Variants in SKI observed in about 807,000 individuals in gnomAD.
SKI encodes the protein ski oncogene.
In SKI, 23 loss-of-function variants were observed where a neutral mutation model predicts 59.3. The observed-to-expected ratio is 0.39, with a 90% confidence interval of 0.28 to 0.55. SKI has a LOEUF of 0.55. SKI is among the 20% of genes least tolerant of loss of function. SKI has a pLI of 0.67. For synonymous variants in SKI, 673 were observed against 488.6 expected (o/e 1.38, Z -4.98); for missense variants, 1,017 against 1,038.9 (o/e 0.98, Z 0.29).
intron 5 of SKI, among the ~76,000 whole-genome samples, 155 bp downstream of exon 5, chr1:2,304,740 G>T (rs946051359): frequency 4.6e-5 from 7 of 152,206 alleles, no homozygotes; most frequent in African/African-American, 1.7e-4. Flanking sequence ...GGACCTTGGG[G>T]GTCCGTCTCC....
At chr1:2,256,169 T>A (rs1396476023) in intron 1 of SKI, among the ~76,000 whole-genome samples, 3 of 151,820 alleles carry the variant, frequency 2.0e-5, no homozygotes, top group Admixed American at 2.0e-4. Context: ...CCTCATTTCT[T>A]ATCTGTGCCA....
intron 1 of SKI, among the ~76,000 whole-genome samples, chr1:2,272,600 C>G (rs1316196774): frequency 2.0e-5 from 3 of 152,224 alleles, no homozygotes; most frequent in Middle Eastern, 3.2e-3. Context: ...GGAGGGTGAA[C>G]TGGTTCCTAT....
intron 1 of SKI, among the ~76,000 whole-genome samples, chr1:2,290,646 G>C (rs1640140644): frequency 6.6e-6 from 1 of 152,086 alleles, no homozygotes; most frequent in Non-Finnish European, 1.5e-5. Context: ...TGCCTTCTGT[G>C]GTTTGAGGTC....
chr1:2,257,585 C>G (rs868412436), intron 1 of SKI, among the ~76,000 whole-genome samples: 1 of 152,246 alleles, frequency 6.6e-6, no homozygotes, highest in East Asian at 1.9e-4. Flanking sequence ...GCCGGGCTCT[C>G]GGCGATTTTT....
intron 1 of SKI, among the ~76,000 whole-genome samples, chr1:2,230,105 C>T (rs1402954868): frequency 6.6e-6 from 1 of 152,224 alleles, no homozygotes; most frequent in Non-Finnish European, 1.5e-5. Flanking sequence ...TCCAGCTGGG[C>T]CACGGCCCGG....
chr1:2,293,277 G>A (rs572885809), intron 1 of SKI, among the ~76,000 whole-genome samples: 1 of 152,312 alleles, frequency 6.6e-6, no homozygotes, highest in African/African-American at 2.4e-5. Flanking sequence ...GGTTCGTGGT[G>A]GGATCCACCG....
intron 1 of SKI, among the ~76,000 whole-genome samples, chr1:2,271,573 C>G (rs191831852): frequency 2.6e-5 from 4 of 152,046 alleles, no homozygotes; most frequent in Non-Finnish European, 4.4e-5. Flanking sequence ...TGCCCTGCCC[C>G]GGGCTGACCC....
chr1:2,241,440 T>C (rs1638870488), intron 1 of SKI, among the ~76,000 whole-genome samples: 1 of 152,170 alleles, frequency 6.6e-6, no homozygotes, highest in Non-Finnish European at 1.5e-5. Flanking sequence ...TCGCCCAGGC[T>C]ATAGTGCAGT....
At chr1:2,249,789 A>G (rs1411392295) in intron 1 of SKI, among the ~76,000 whole-genome samples, 2 of 151,990 alleles carry the variant, frequency 1.3e-5, no homozygotes, top group Non-Finnish European at 2.9e-5. Context: ...GTCAATTATG[A>G]CCCAGGTTGT....
In SKI at chr1:2,306,182, G is replaced by A; in HGVS notation, c.1930G>A (p.Ala644Thr). ...RLRLKRELEQ[A>T]RQARVCDKGC... ...GCGCCTGAAGCGGGAGCTGGAGCAG[G>A]CGCGGCAGGCCCGGGTGTGCGACAA... Residue 644 changes from alanine to threonine, a missense_variant, in exon 6 of 7, where the codon GCG becomes ACG. Ala to Thr is a moderately conservative substitution (Grantham distance 58). Transcript: ENST00000378536. 1 of 1,588,342 alleles carries A rather than the reference G, an allele frequency of 6.3e-7. No homozygotes were observed. Among genetic ancestry groups the A allele is most frequent in the Non-Finnish European group, 8.6e-7 (1 of 1,168,368 alleles).
intron 1 of SKI, among the ~76,000 whole-genome samples, chr1:2,298,362 G>C (rs778760613): frequency 6.6e-6 from 1 of 152,136 alleles, no homozygotes; most frequent in African/African-American, 2.4e-5. Flanking sequence ...GGGGTTGGAG[G>C]GAGTTGTGTT....
intron 1 of SKI, among the ~76,000 whole-genome samples, chr1:2,272,142 G>C (rs1639636682): frequency 6.6e-6 from 1 of 152,224 alleles, no homozygotes; most frequent in Non-Finnish European, 1.5e-5. Flanking sequence ...TTTTATTGCT[G>C]TCTCTTACGT....
intron 1 of SKI, among the ~76,000 whole-genome samples, chr1:2,277,796 G>GCGCACACACCTGCACTCA (rs368856107): frequency 0.012 from 1,699 of 146,302 alleles, 34 homozygotes; most frequent in African/African-American, 0.042. Context: ...AGCACCGTGA[G>GCGCACACACCTGCACTCA]CGCACACACC....
At chr1:2,247,948 G>A (rs1213516534) in intron 1 of SKI, 1 of 152,390 alleles carries the variant, frequency 6.6e-6, no homozygotes, top group African/African-American at 2.4e-5. Flanking sequence ...TGTGGGCTGG[G>A]ACCAGTTTCA....
Position 2,306,558 on chromosome 1 carries a change from C to G in SKI, c.1999-19C>G. Reference sequence around the variant, plus strand: ...CAGGGCAGCGAGCAGGCGCCGCTGACCACTCGGCTCCCTTTCAGATCGAAG... The same window carrying G: ...CAGGGCAGCGAGCAGGCGCCGCTGAGCACTCGGCTCCCTTTCAGATCGAAG... On this transcript the variant is annotated intron_variant, in intron 6 of 6. Coordinates refer to ENST00000378536, the MANE Select transcript of SKI (RefSeq NM_003036.4). 6.5e-7 allele frequency: 1 copy of G among 1,539,018 alleles called. No homozygotes were observed.
intron 1 of SKI, among the ~76,000 whole-genome samples, chr1:2,301,734 C>G (rs566348445): frequency 7.9e-5 from 12 of 152,376 alleles, no homozygotes; most frequent in Non-Finnish European, 1.5e-4. Flanking sequence ...TGTGCTCTGT[C>G]CACCAAGGCT....
rs540360375 is a variant in SKI, at chr1:2,249,182, C to T, written c.969+19447C>T. ...CTTTCATGGCAGCGTTGTTGGTGGG[C>T]GTGCAGGGTGTGTCTGACCTGGGCC... On this transcript the variant is annotated intron_variant, in intron 1 of 6. Transcript: ENST00000378536. 6.6e-5 allele frequency among the ~76,000 whole-genome samples: 10 copies of T among 152,298 alleles called. No homozygotes were observed. The South Asian group carries it at 1.5e-3, about 22-fold the overall frequency.
In SKI at chr1:2,238,732, C is replaced by T. The variant is rs372334805; in HGVS notation, c.969+8997C>T. 7.3e-4 allele frequency among the ~76,000 whole-genome samples: 111 copies of T among 152,362 alleles called. 1 individual carries two copies. Among genetic ancestry groups the T allele is most frequent in the African/African-American group, 2.0e-3 (82 of 41,584 alleles). On this transcript the variant is annotated intron_variant, in intron 1 of 6. Coordinates refer to ENST00000378536, the MANE Select transcript of SKI (RefSeq NM_003036.4). ...TGTACACGTCCACTGAGGCCACCTG[C>T]GCCGCTGCCTGTGTCCTGTGGGCTG...
At chr1:2,272,942 C>G (rs1639658589) in intron 1 of SKI, among the ~76,000 whole-genome samples, 1 of 152,172 alleles carries the variant, frequency 6.6e-6, no homozygotes, top group Admixed American at 6.5e-5. Flanking sequence ...CACCTTGGGT[C>G]TTAAATCAGA....
Sources: gnomAD v4.1 joint callset for allele counts (sites outside exome capture counted in the v4.1 genomes callset) on GRCh38, gnomAD v4.1.1 for gene constraint, MANE v1.5 for transcripts, NCBI Gene and HGNC (gene_info 2026-07-23, HGNC 2026-07-21) for gene names.